AVEN: variants seen among roughly 807,000 people sequenced by gnomAD.
The protein encoded by AVEN is cell death regulator Aven.
Under a neutral mutation model 38.1 loss-of-function variants are expected in AVEN, and 41 were observed. That is an observed-to-expected ratio of 1.08 (90% confidence interval 0.84 to 1.40). The LOEUF (loss-of-function observed/expected upper bound fraction) is 1.40, where lower values mean the gene tolerates loss of function less well. AVEN is among the 40% of genes most tolerant of loss of function. AVEN has a pLI of 0.00. For synonymous variants in AVEN, 206 were observed against 171.8 expected, an observed-to-expected ratio of 1.20 and a Z score of -1.56; for missense variants, 605 against 438.8, an observed-to-expected ratio of 1.38 and a Z score of -3.38.
intron 2 of AVEN, among the ~76,000 whole-genome samples, chr15:33,953,137 G>C (rs144048310): frequency 4.3e-4 from 66 of 152,176 alleles, no homozygotes; most frequent in African/African-American, 1.5e-3. Flanking sequence ...GAAATAAAGA[G>C]GACACAAACA....
Position 34,063,497 on chromosome 15 carries a change from C to G in AVEN, n.1127-65G>C. 2 of 1,613,820 alleles carry G rather than the reference C, an allele frequency of 1.2e-6. No individual in the cohort carries two copies. Among genetic ancestry groups the G allele is most frequent in the Non-Finnish European group, 1.7e-6 (2 of 1,180,030 alleles). ...CCTGCTTGCGCTGTCCTCGACCCAC[C>G]CTGGCCCAGCGGGAAAGGAACCAGG... On this transcript the variant is annotated intron_variant and non_coding_transcript_variant, in intron 4 of 11. Coordinates refer to the AVEN transcript ENST00000675287. The surrounding 1 kb of genome is among the most constrained non-coding windows in gnomAD (Gnocchi z 4.1).
At chr15:33,986,283 G>A (rs906992788) in intron 2 of AVEN, among the ~76,000 whole-genome samples, 15 of 151,758 alleles carry the variant, frequency 9.9e-5, no homozygotes, top group Non-Finnish European at 1.9e-4. Context: ...ATTTATTTTT[G>A]TATTTTTAGT....
intron 5 of AVEN, among the ~76,000 whole-genome samples, chr15:34,061,743 G>T (rs1174073918): frequency 6.6e-6 from 1 of 152,068 alleles, no homozygotes; most frequent in Non-Finnish European, 1.5e-5. Context: ...CAGAGAGAAG[G>T]TCCTTATCTT....
At chr15:33,863,019 G>A (rs1489362939), downstream of AVEN, among the ~76,000 whole-genome samples, 3 of 152,196 alleles carry the variant, frequency 2.0e-5, no homozygotes, top group South Asian at 2.1e-4. Context: ...GGAGGTTAAT[G>A]AGCCCATGGC....
intron 1 of AVEN, among the ~76,000 whole-genome samples, chr15:34,015,751 C>G (rs1897874244): frequency 6.6e-6 from 1 of 152,172 alleles, no homozygotes; most frequent in Non-Finnish European, 1.5e-5. Flanking sequence ...TGACACGTCT[C>G]ACACGGATCT....
At chr15:33,963,328 G>A (rs894283850) in intron 2 of AVEN, among the ~76,000 whole-genome samples, 1 of 152,128 alleles carries the variant, frequency 6.6e-6, no homozygotes, top group African/African-American at 2.4e-5. Context: ...GATCCAAGAG[G>A]AAGATAGATC....
chr15:33,950,448 C>T (rs555804275), intron 2 of AVEN, among the ~76,000 whole-genome samples: 2 of 152,176 alleles, frequency 1.3e-5, no homozygotes, highest in East Asian at 3.9e-4. Flanking sequence ...ACATTGTACA[C>T]CTTAAATAGA....
chr15:34,030,730 CCT>C (rs1898748271), intron 1 of AVEN, among the ~76,000 whole-genome samples: 1 of 152,060 alleles, frequency 6.6e-6, no homozygotes, highest in Non-Finnish European at 1.5e-5. Flanking sequence ...AATCTTCCTG[CCT>C]CGGCCTCCTG....
At chr15:34,050,224 T>A (rs987999419) in intron 5 of AVEN, among the ~76,000 whole-genome samples, 1 of 152,112 alleles carries the variant, frequency 6.6e-6, no homozygotes, top group Non-Finnish European at 1.5e-5. Flanking sequence ...CAGACCAGAA[T>A]TTCAGATCCA....
chr15:34,002,411 C>G (rs1431890569), intron 2 of AVEN, among the ~76,000 whole-genome samples: 1 of 152,050 alleles, frequency 6.6e-6, no homozygotes, highest in Non-Finnish European at 1.5e-5. Flanking sequence ...AGGGACCCTG[C>G]AGCCATCTGT....
chr15:33,986,009 T>C (rs1159250138), intron 2 of AVEN, among the ~76,000 whole-genome samples: 1 of 152,216 alleles, frequency 6.6e-6, no homozygotes, highest in Non-Finnish European at 1.5e-5. Flanking sequence ...CAGAAATTCA[T>C]GATGGCATAA....
At chr15:33,947,317 C>T (rs1330383800) in intron 2 of AVEN, among the ~76,000 whole-genome samples, 5 of 152,298 alleles carry the variant, frequency 3.3e-5, no homozygotes, top group African/African-American at 7.2e-5. Context: ...AAAAGCCAAA[C>T]GGGGTGCTCC....
chr15:33,906,471 T>A (rs1041834032), intron 2 of AVEN, among the ~76,000 whole-genome samples: 1 of 152,270 alleles, frequency 6.6e-6, no homozygotes, highest in Admixed American at 6.5e-5. Context: ...CAATTGTGAA[T>A]AATGCTCTGC....
At chr15:34,028,840 C>G (rs1434900823) in intron 1 of AVEN, among the ~76,000 whole-genome samples, 1 of 151,780 alleles carries the variant, frequency 6.6e-6, no homozygotes, top group African/African-American at 2.4e-5. Context: ...ACACCACCAT[C>G]ATCGGCCACC....
At chr15:33,985,781 T>C (rs489619) in intron 2 of AVEN, among the ~76,000 whole-genome samples, 142,156 of 152,102 alleles carry the variant, frequency 0.93, 67,036 homozygotes, top group Non-Finnish European at 1. Context: ...TCTGTGGCCA[T>C]GTACGCAGTC....
intron 2 of AVEN, among the ~76,000 whole-genome samples, chr15:33,895,790 G>T (rs186427295): frequency 6.6e-6 from 1 of 152,124 alleles, no homozygotes; most frequent in African/African-American, 2.4e-5. Flanking sequence ...ATCTGATCCT[G>T]CCAGACTCTT....
chr15:33,884,341 G>C (rs1368158840), intron 2 of AVEN, among the ~76,000 whole-genome samples: 1 of 152,076 alleles, frequency 6.6e-6, no homozygotes, highest in African/African-American at 2.4e-5. Flanking sequence ...AAGAAATAAA[G>C]AATTCCTCTT....
intron 2 of AVEN, chr15:33,991,289 T>G (rs1471811016): frequency 6.6e-6 from 1 of 152,170 alleles, no homozygotes; most frequent in Non-Finnish European, 1.5e-5. Context: ...AGGAGGATTA[T>G]TTTGCAAAAC....
Position 33,908,612 on chromosome 15 carries a change from T to G in AVEN, c.446-32617A>C, listed in dbSNP as rs182968828. 1.3e-3 allele frequency among the ~76,000 whole-genome samples: 203 copies of G among 152,332 alleles called. 3 individuals are homozygous for G. The highest frequency in any genetic ancestry group is 4.7e-3 in the African/African-American group (196 of 41,564). ...AAGTAGAATCATACAGTATTTTTCTTTTTTTTCTGACTGGCTTATTTGTCT... is the reference window on the plus strand; with the variant it reads ...AAGTAGAATCATACAGTATTTTTCTGTTTTTTCTGACTGGCTTATTTGTCT... On this transcript the variant is annotated intron_variant, in intron 2 of 5. Coordinates refer to ENST00000306730, the MANE Select transcript of AVEN (RefSeq NM_020371.3).
Sources: gnomAD v4.1 joint callset for allele counts (sites outside exome capture counted in the v4.1 genomes callset) on GRCh38, gnomAD v4.1.1 for gene constraint, Gnocchi (gnomAD v3.1) non-coding constraint, MANE v1.5 for transcripts, NCBI Gene and HGNC (gene_info 2026-07-23, HGNC 2026-07-21) for gene names.